The following CDH12 variants were observed in gnomAD, a reference collection of about 807,000 sequenced individuals.
The protein encoded by CDH12 is cadherin 12, also known as cadherin-12.
A neutral mutation model predicts 74.1 loss-of-function variants in CDH12; 41 were observed. That is an observed-to-expected ratio of 0.55 (90% confidence interval 0.43 to 0.72). The LOEUF (loss-of-function observed/expected upper bound fraction) is 0.72. Ranked by LOEUF, CDH12 falls within the 30% of genes least tolerant of loss-of-function variation. The pLI, the probability that CDH12 is intolerant of heterozygous loss-of-function variation, is 0.00. For missense variants in CDH12, 945 were observed against 977.2 expected, an observed-to-expected ratio of 0.97 and a Z score of 0.44; for synonymous variants, 399 against 355.0, an observed-to-expected ratio of 1.12 and a Z score of -1.39.
intron 4 of CDH12, among the ~76,000 whole-genome samples, chr5:22,191,846 G>A (rs1750327698): frequency 6.6e-6 from 1 of 151,990 alleles, no homozygotes; most frequent in African/African-American, 2.4e-5. Flanking sequence ...TTACAGGCGT[G>A]AGCCACCGCG....
At chr5:22,353,695 A>T (rs1740447479) in intron 3 of CDH12, among the ~76,000 whole-genome samples, 1 of 152,138 alleles carries the variant, frequency 6.6e-6, no homozygotes, top group African/African-American at 2.4e-5. Flanking sequence ...AGTCTCAGAA[A>T]AGTATACTCG....
At chr5:22,259,118 T>C (rs1753424907) in intron 3 of CDH12, among the ~76,000 whole-genome samples, 1 of 152,166 alleles carries the variant, frequency 6.6e-6, no homozygotes, top group Admixed American at 6.6e-5. Flanking sequence ...TGGACTTGTC[T>C]CACTGAACAA....
chr5:22,159,493 T>C (rs1466450479), intron 4 of CDH12, among the ~76,000 whole-genome samples: 1 of 152,200 alleles, frequency 6.6e-6, no homozygotes, highest in African/African-American at 2.4e-5. Flanking sequence ...TTTTCTGATC[T>C]ATAATTATAG....
At chr5:22,682,652 T>A (rs1205094765) in intron 1 of CDH12, among the ~76,000 whole-genome samples, 1 of 152,068 alleles carries the variant, frequency 6.6e-6, no homozygotes, top group Non-Finnish European at 1.5e-5. Context: ...TTATAAGCAG[T>A]CCTCTAAAAC....
rs183924786 is a variant in CDH12 at position 22,755,728 on chromosome 5, C to A, written c.-523+97330G>T. 2.3e-3 allele frequency among the ~76,000 whole-genome samples: 349 copies of A among 152,220 alleles called. 11 individuals carry two copies. The highest frequency in any genetic ancestry group is 0.022 in the Admixed American group (335 of 15,294). ...AACTTTACTTGCCCAAATATATACA[C>A]AGAAAATTTGGCAATATTACATTTC... On this transcript the variant is annotated intron_variant, in intron 1 of 14. Coordinates refer to ENST00000382254, the MANE Select transcript of CDH12 (RefSeq NM_004061.5).
intron 1 of CDH12, among the ~76,000 whole-genome samples, chr5:22,809,656 A>G (rs1278656345): frequency 6.6e-6 from 1 of 152,000 alleles, no homozygotes; most frequent in East Asian, 1.9e-4. Context: ...CTTTACCAAC[A>G]AGAAAAAATG....
intron 3 of CDH12, among the ~76,000 whole-genome samples, chr5:22,373,454 C>G (rs1476021265): frequency 2.6e-5 from 4 of 152,204 alleles, no homozygotes; most frequent in African/African-American, 7.2e-5. Context: ...CTACCAGCAT[C>G]CAAGCAAGCC....
chr5:21,949,695 A>T lies in CDH12; in HGVS notation c.526+25396T>A, dbSNP rs1369000749. Among the ~76,000 whole-genome samples the T allele has an allele frequency of 4.6e-5, 7 of 152,166 alleles. No homozygotes were observed. The East Asian group carries it at 1.3e-3, about 29-fold the overall frequency. On this transcript the variant is annotated intron_variant, in intron 6 of 14. Coordinates refer to ENST00000382254, the MANE Select transcript of CDH12 (RefSeq NM_004061.5). ...TTTGTTTTTAACAACAACAACAAAA[A>T]AATTAAAAGTTAAAAGATGTAAAAT...
intron 1 of CDH12, among the ~76,000 whole-genome samples, chr5:22,756,347 G>A (rs373333070): frequency 2.0e-5 from 3 of 151,960 alleles, no homozygotes; most frequent in Non-Finnish European, 4.4e-5. Flanking sequence ...CCTTTATTTA[G>A]TTAGGAATGA....
chr5:22,279,884 A>T (rs2150405881), intron 3 of CDH12, among the ~76,000 whole-genome samples: 1 of 152,254 alleles, frequency 6.6e-6, no homozygotes, highest in Admixed American at 6.5e-5. Context: ...TCCTTTGGGT[A>T]TATACCCGGT....
chr5:22,094,851 C>T (rs951846081), intron 4 of CDH12, among the ~76,000 whole-genome samples: 2 of 152,156 alleles, frequency 1.3e-5, no homozygotes, highest in Admixed American at 6.5e-5. Context: ...CCCTACTGAG[C>T]ACCTTGTGAC....
At chr5:22,219,512 A>G (rs1751937981) in intron 3 of CDH12, among the ~76,000 whole-genome samples, 1 of 151,742 alleles carries the variant, frequency 6.6e-6, no homozygotes, top group Admixed American at 6.6e-5. Context: ...GGAATAGGTG[A>G]CTGCTATCTG....
At chr5:22,540,389 A>G (rs2126718192) in intron 1 of CDH12, among the ~76,000 whole-genome samples, 1 of 152,224 alleles carries the variant, frequency 6.6e-6, no homozygotes, top group South Asian at 2.1e-4. Context: ...ATTTTCCATA[A>G]GCATTATTAC....
chr5:21,828,645 C>T (rs975605358), intron 8 of CDH12, among the ~76,000 whole-genome samples: 7 of 152,238 alleles, frequency 4.6e-5, no homozygotes, highest in East Asian at 3.9e-4. Flanking sequence ...ATCATATATT[C>T]GTGTATCACA....
chr5:22,262,765 T>C (rs1211247811), intron 3 of CDH12, among the ~76,000 whole-genome samples: 1 of 152,050 alleles, frequency 6.6e-6, no homozygotes, highest in Non-Finnish European at 1.5e-5. Context: ...CTCCACGTCC[T>C]CTCCAGCACC....
chr5:22,437,924 C>T (rs1002032732), intron 2 of CDH12, among the ~76,000 whole-genome samples: 2 of 151,994 alleles, frequency 1.3e-5, no homozygotes, highest in African/African-American at 2.4e-5. Context: ...TACATTTAAA[C>T]ATAAAATCAT....
At chr5:22,411,742 T>C (rs780220878) in intron 2 of CDH12, among the ~76,000 whole-genome samples, 6 of 152,024 alleles carry the variant, frequency 3.9e-5, no homozygotes, top group East Asian at 1.9e-4. Context: ...ACAGCTTTAA[T>C]TGATGTTACA....
chr5:22,158,621 C>T (rs1748161087), intron 4 of CDH12, among the ~76,000 whole-genome samples: 1 of 152,038 alleles, frequency 6.6e-6, no homozygotes, highest in African/African-American at 2.4e-5. Context: ...ATTTCTAAAC[C>T]TATCTCTGCT....
At chr5:22,272,474 G>A (rs1192553282) in intron 3 of CDH12, among the ~76,000 whole-genome samples, 1 of 152,102 alleles carries the variant, frequency 6.6e-6, no homozygotes, top group Admixed American at 6.6e-5. Context: ...TATGCTTTAA[G>A]GAAATTTTCT....
Sources: allele counts gnomAD v4.1 joint callset (sites outside exome capture counted in the v4.1 genomes callset), GRCh38; gene constraint gnomAD v4.1.1; transcripts MANE v1.5; gene names NCBI Gene and HGNC (gene_info 2026-07-23, HGNC 2026-07-21).